The following PPP2R3B variants were observed in gnomAD, a reference collection of about 807,000 sequenced individuals.
PPP2R3B encodes serine/threonine-protein phosphatase 2A regulatory subunit B'' subunit beta.
PPP2R3B carries 68 observed loss-of-function variants against 72.9 expected under a neutral mutation model. The ratio of observed to expected loss-of-function variants is 0.93; its 90% CI spans 0.77 to 1.14. The LOEUF (loss-of-function observed/expected upper bound fraction) is 1.14. Among genes scored for constraint, PPP2R3B ranks in the 50% most tolerant of loss-of-function variants. The pLI is 0.00. For synonymous variants in PPP2R3B, 466 were observed against 375.8 expected, an observed-to-expected ratio of 1.24 and a Z score of -2.78; for missense variants, 1,018 against 842.0, an observed-to-expected ratio of 1.21 and a Z score of -2.59.
At chrX:338,947 G>C (rs757853743) in intron 10 of PPP2R3B, 51 bp from the exon 11 acceptor site, 19 of 1,502,900 alleles carry the variant, frequency 1.3e-5, no homozygotes, top group Non-Finnish European at 1.7e-5. Context: ...CTCACCTTCG[G>C]GGCCTGGGTG....
intron 1 of PPP2R3B, among the ~76,000 whole-genome samples, chrX:371,263 A>C (rs2071856138): frequency 6.6e-6 from 1 of 151,906 alleles, no homozygotes; most frequent in South Asian, 2.1e-4. Context: ...GTCACACGGG[A>C]GCCTCCCCGG....
intron 1 of PPP2R3B, among the ~76,000 whole-genome samples, chrX:363,350 GCAGTGCATCTCTCCGAGCCCACCATCCCA>G (rs2071588538): frequency 1.3e-5 from 1 of 75,888 alleles, no homozygotes; most frequent in African/African-American, 5.1e-5. Flanking sequence ...CCACCATCCC[GCAGTGCATCTCTCCGAGCCCACCATCCCA>G]CAGTGCATCT....
intron 7 of PPP2R3B, chrX:344,874 C>T (rs1569384132): frequency 3.0e-6 from 1 of 330,038 alleles, no homozygotes; most frequent in East Asian, 7.9e-5. Context: ...GTCGACCACA[C>T]ACAACAGATG....
chrX:377,867 C>T (rs928162697), intron 1 of PPP2R3B, among the ~76,000 whole-genome samples: 3 of 97,698 alleles, frequency 3.1e-5, no homozygotes, highest in Non-Finnish European at 6.1e-5. Context: ...GTGGGTCCGC[C>T]GTGGGGCTGT....
At chrX:363,804 T>C (rs1319994470) in intron 1 of PPP2R3B, among the ~76,000 whole-genome samples, 1 of 152,146 alleles carries the variant, frequency 6.6e-6, no homozygotes, top group African/African-American at 2.4e-5. Context: ...TTCATCACGC[T>C]GGGTTCACAC....
At chrX:374,140 AAC>A (rs2071937328) in intron 1 of PPP2R3B, 1 of 150,242 alleles carries the variant, frequency 6.7e-6, no homozygotes, top group Non-Finnish European at 1.5e-5. Flanking sequence ...GCCTGGGCGG[AAC>A]GCGCATCAAC....
chrX:340,265 C>T lies in PPP2R3B; in HGVS notation c.1351+500G>A, dbSNP rs193174864. ...ATCAGCACGAACGTGGCAACTGCTC[C>T]CTCAGCCCAGTGCCAACGTCCCCGG... On this transcript the variant is annotated intron_variant, in intron 10 of 12. Transcript: ENST00000390665. Among the ~76,000 whole-genome samples the T allele has an allele frequency of 4.3e-4, 64 of 147,136 alleles. 2 individuals carry two copies. Among genetic ancestry groups the T allele is most frequent in the Admixed American group, 1.0e-3 (15 of 14,776 alleles).
Position 347,660 on chromosome X carries a change from G to A in PPP2R3B, c.544C>T (p.Leu182Phe), listed in dbSNP as rs1278443664. 6.4e-7 allele frequency: 1 copy of A among 1,563,148 alleles called. No individual in the cohort carries two copies. Among genetic ancestry groups the A allele is most frequent in the Non-Finnish European group, 8.7e-7 (1 of 1,155,390 alleles). Residue 182 changes from leucine (L) to phenylalanine (F), a missense_variant, in exon 3 of 13, where the codon CTC becomes TTC. Leu to Phe is a conservative substitution (Grantham distance 22). Coordinates refer to ENST00000390665, the MANE Select transcript of PPP2R3B (RefSeq NM_013239.5). ...CGCPLYWKGP[L>F]FYGAGGERTG... ...CGCTCCCCGCCGGCGCCATAGAAGA[G>A]CGGCCCCTTCCAGTAGAGGGGGCAG...
rs2071533862 is a variant in PPP2R3B, at chrX:361,325, C to T, written c.510+80G>A. 6 of 1,518,636 alleles carry T rather than the reference C, an allele frequency of 4.0e-6. No individual in the cohort carries two copies. The South Asian group carries it at 7.1e-5, about 18-fold the overall frequency. 94.1% of individuals were successfully genotyped at this position (1,518,636 alleles called of 1,614,324 possible). On this transcript the variant is annotated intron_variant, in intron 2 of 12. Transcript: ENST00000390665. ...CTCACTCACGCTCGTGTGACACGCA[C>T]CCACCACGGCCGCTCCGCCTCACCC...
At chrX:364,082 AGCGTGG>A (rs1569404884) in intron 1 of PPP2R3B, among the ~76,000 whole-genome samples, 1 of 152,262 alleles carries the variant, frequency 6.6e-6, no homozygotes, top group Non-Finnish European at 1.5e-5. Context: ...TGCCTTCAGA[AGCGTGG>A]GCCGAGCGGG....
chrX:347,344 G>A lies in PPP2R3B; in HGVS notation c.615-8C>T, dbSNP rs2071242525. On this transcript the variant is annotated splice_region_variant and splice_polypyrimidine_tract_variant and intron_variant, in intron 3 of 12. Transcript: ENST00000390665. Reference sequence around the variant, plus strand: ...TGGCAGTTCTGGAGGATTCTGGAAGGACAGGATGACTGGGCACCACCCTCA... The same window carrying A: ...TGGCAGTTCTGGAGGATTCTGGAAGAACAGGATGACTGGGCACCACCCTCA... 2 of 1,613,290 alleles carry A rather than the reference G, an allele frequency of 1.2e-6. No individual in the cohort carries two copies. Among genetic ancestry groups the A allele is most frequent in the Non-Finnish European group, 8.5e-7 (1 of 1,179,364 alleles).
intron 2 of PPP2R3B, among the ~76,000 whole-genome samples, chrX:355,391 G>A (rs6645036): frequency 0.071 from 10,872 of 152,208 alleles, 993 homozygotes; most frequent in African/African-American, 0.2. Flanking sequence ...TGAGACGGAA[G>A]CCTCAATATG....
intron 12 of PPP2R3B, chrX:337,255 TTTG>T (rs1484023898): frequency 6.6e-6 from 1 of 152,152 alleles, no homozygotes; most frequent in African/African-American, 2.4e-5. Context: ...TAATTTTTTT[TTTG>T]TTTAGTAGAG....
At chrX:363,790 C>G (rs2071617867) in intron 1 of PPP2R3B, among the ~76,000 whole-genome samples, 1 of 152,234 alleles carries the variant, frequency 6.6e-6, no homozygotes, top group Non-Finnish European at 1.5e-5. Context: ...GCGGCTCTTC[C>G]TCCTTCATCA....
At chrX:364,291 G>C (rs779116790) in intron 1 of PPP2R3B, among the ~76,000 whole-genome samples, 2 of 152,132 alleles carry the variant, frequency 1.3e-5, no homozygotes, top group South Asian at 2.1e-4. Context: ...GAGCTGGGCA[G>C]GGGGGAGTTC....
At chrX:373,183 T>G (rs1019576761) in intron 1 of PPP2R3B, among the ~76,000 whole-genome samples, 3 of 152,114 alleles carry the variant, frequency 2.0e-5, no homozygotes, top group African/African-American at 7.2e-5. Context: ...CAGCGAACAC[T>G]CCCAGGCGCT....
chrX:368,761 C>T (rs2071787845), intron 1 of PPP2R3B, among the ~76,000 whole-genome samples: 1 of 108,022 alleles, frequency 9.3e-6, no homozygotes, highest in Non-Finnish European at 1.9e-5. Flanking sequence ...AAGGCCGGGA[C>T]CACCCACCTT....
rs200232332 is a variant in PPP2R3B, at chrX:338,852, C to T, written c.1396G>A (p.Val466Ile). 1.1e-5 allele frequency: 17 copies of T among 1,612,484 alleles called. No homozygotes were observed. The highest frequency in any genetic ancestry group is 7.7e-5 in the South Asian group (7 of 91,084). ...QDLKRCKLAN[V>I]FFDTFFNIEK... ...ATGTTGAAGAAGGTGTCGAAGAAGA[C>T]GTTAGCCAGCTTGCAGCGCTTCAGG... The change falls in exon 11 of 13, where the codon GTC becomes ATC. Residue 466 changes from valine (V) to isoleucine (I), a missense_variant. By Grantham distance (29) the Val-to-Ile change is conservative. Coordinates refer to ENST00000390665, the MANE Select transcript of PPP2R3B (RefSeq NM_013239.5).
At chrX:334,731 A>C in intron 12 of PPP2R3B, 2 of 534,906 alleles carry the variant, frequency 3.7e-6, no homozygotes, top group Non-Finnish European at 6.1e-6. Flanking sequence ...GTGCAGGTGA[A>C]AACCCACCCA....
Sources: allele counts gnomAD v4.1 joint callset (sites outside exome capture counted in the v4.1 genomes callset), GRCh38; gene constraint gnomAD v4.1.1; transcripts MANE v1.5; gene names NCBI Gene and HGNC (gene_info 2026-07-23, HGNC 2026-07-21).